Variants in WWP1 observed in about 807,000 individuals in gnomAD.
WWP1 encodes the protein NEDD4-like E3 ubiquitin-protein ligase WWP1.
A neutral mutation model predicts 130.6 loss-of-function variants in WWP1; 49 were observed. The ratio of observed to expected loss-of-function variants is 0.38; its 90% confidence interval spans 0.30 to 0.48. The LOEUF (loss-of-function observed/expected upper bound fraction) is 0.48. Ranked by LOEUF, WWP1 falls within the 20% of genes least tolerant of loss-of-function variation. The probability of loss-of-function intolerance (pLI) is 0.99; values close to 1 mark genes in which losing one functional copy is unlikely to be tolerated. For missense variants in WWP1, 809 were observed against 1,100.6 expected (o/e 0.74, Z 3.75); for synonymous variants, 332 against 367.8 (o/e 0.90, Z 1.11).
At chr8:86,424,981 ATACTT>A (rs1452652079) in intron 9 of WWP1, among the ~76,000 whole-genome samples, 3 of 152,150 alleles carry the variant, frequency 2.0e-5, no homozygotes, top group African/African-American at 7.2e-5. Flanking sequence ...TCTGCTAACT[ATACTT>A]TGAGTTTCCA....
In WWP1 at chr8:86,467,024, T is replaced by TTTCTGAAGACAGGTG; in HGVS notation, c.*131_*132insTTCTGAAGACAGGTG. On this transcript the variant is annotated 3_prime_UTR_variant, in exon 25 of 25. Transcript: ENST00000517970. ...GAACCTCTCAAAGTATGTTTTCCGT[T>TTTCTGAAGACAGGTG]CTTCCACAGAAATATGCAAAACAGT... 1.5e-6 allele frequency: 1 copy of TTTCTGAAGACAGGTG among 672,948 alleles called. No individual in the cohort carries two copies. The highest frequency in any genetic ancestry group is 2.6e-6 in the Non-Finnish European group (1 of 391,108). The allele number at this position is 672,948 out of a possible 1,614,324, so 41.7% of individuals were successfully genotyped here.
intron 8 of WWP1, among the ~76,000 whole-genome samples, chr8:86,403,372 T>TA (rs1490463107): frequency 1.3e-5 from 2 of 152,212 alleles, no homozygotes; most frequent in Admixed American, 6.5e-5. Context: ...TTCGGCTCAC[T>TA]GCAACTTCTG....
intron 5 of WWP1, among the ~76,000 whole-genome samples, chr8:86,394,671 G>A (rs1350926075): frequency 6.6e-6 from 1 of 152,108 alleles, no homozygotes; most frequent in Non-Finnish European, 1.5e-5. Flanking sequence ...AAATACATCG[G>A]AGTTGGTTTG....
At chr8:86,445,210 CAG>C (rs1810795710) in intron 18 of WWP1, among the ~76,000 whole-genome samples, 2 of 152,128 alleles carry the variant, frequency 1.3e-5, no homozygotes, top group Admixed American at 6.5e-5. Context: ...ATTTTAGAAT[CAG>C]GGGTACATGT....
intron 3 of WWP1, among the ~76,000 whole-genome samples, chr8:86,374,534 A>C (rs564999793): frequency 4.0e-4 from 61 of 152,314 alleles, no homozygotes; most frequent in South Asian, 2.3e-3. Flanking sequence ...AGTTATTTCT[A>C]GGAGGTTTCA....
At chr8:86,417,052 G>A (rs933894445) in intron 9 of WWP1, among the ~76,000 whole-genome samples, 2 of 152,090 alleles carry the variant, frequency 1.3e-5, no homozygotes, top group Admixed American at 6.6e-5. Flanking sequence ...ATCTCAGCAC[G>A]GTGATACCTC....
intron 7 of WWP1, 93 bp downstream of exon 7, chr8:86,398,731 C>A: frequency 7.2e-7 from 1 of 1,397,700 alleles, no homozygotes; most frequent in Non-Finnish European, 1.0e-6. Context: ...TTAGAATTTG[C>A]CACACAGTTT....
At position 86,448,398 on chromosome 8, in the gene WWP1, T is replaced by G. The variant is rs767919094; in HGVS notation, c.2158T>G (p.Leu720Val). 2 of 1,613,534 alleles carry G rather than the reference T, an allele frequency of 1.2e-6. No homozygotes were observed. ...IRDNNIEECGLEMYFSVDMEI... is the reference protein window; with the variant it reads ...IRDNNIEECGVEMYFSVDMEI... ...AGATAACAACATTGAAGAATGTGGC[T>G]TAGAAATGTACTTTTCTGTTGACAT... The change falls in exon 20 of 25, where the codon TTA becomes GTA. Residue 720 changes from leucine to valine, a missense_variant. Around this residue, in one of 3 missense-constraint regions of WWP1, gnomAD observed 450 missense variants for 674.2 expected, o/e 0.67. Coordinates refer to ENST00000517970, the MANE Select transcript of WWP1 (RefSeq NM_007013.4).
rs112075680 is a variant in WWP1, at chr8:86,437,439, C to T, written c.1750-1146C>T. 2.2e-3 allele frequency among the ~76,000 whole-genome samples: 334 copies of T among 152,290 alleles called. 1 individual carries two copies. The highest frequency in any genetic ancestry group is 7.8e-3 in the African/African-American group (326 of 41,556). On this transcript the variant is annotated intron_variant, in intron 16 of 24. Transcript: ENST00000517970. ...GAACAAAGTCTTTTGCCTCTAAGTA[C>T]TGCTAGTCAGAAAAATTTACCTGTT...
intron 24 of WWP1, among the ~76,000 whole-genome samples, chr8:86,466,538 T>C (rs1160648820): frequency 9.1e-6 from 1 of 110,246 alleles, no homozygotes; most frequent in Non-Finnish European, 1.6e-5. Flanking sequence ...AGAAAATGGA[T>C]TTTTTTTTTT....
chr8:86,405,292 GT>G (rs1333560793), intron 8 of WWP1, among the ~76,000 whole-genome samples: 1 of 149,938 alleles, frequency 6.7e-6, no homozygotes, highest in East Asian at 2.0e-4. Flanking sequence ...TTAATCTGCA[GT>G]TCCACAATCT....
intron 21 of WWP1, among the ~76,000 whole-genome samples, chr8:86,453,884 C>T (rs1399235595): frequency 6.6e-6 from 1 of 152,148 alleles, no homozygotes; most frequent in Non-Finnish European, 1.5e-5. Flanking sequence ...TAGTCCTTGG[C>T]ATTTCCTCTC....
At chr8:86,388,003 T>G (rs950942345) in intron 5 of WWP1, among the ~76,000 whole-genome samples, 1 of 152,222 alleles carries the variant, frequency 6.6e-6, no homozygotes, top group Non-Finnish European at 1.5e-5. Flanking sequence ...GCATTTGAAA[T>G]GTGGTTTGTA....
intron 2 of WWP1, among the ~76,000 whole-genome samples, chr8:86,372,024 T>TC (rs1469581090): frequency 7.3e-6 from 1 of 137,094 alleles, no homozygotes; most frequent in East Asian, 2.0e-4. Flanking sequence ...TGTATTTTTT[T>TC]TTTTTTTTTT....
chr8:86,454,383 G>C (rs1193015536), intron 21 of WWP1, among the ~76,000 whole-genome samples: 1 of 151,790 alleles, frequency 6.6e-6, no homozygotes, highest in Non-Finnish European at 1.5e-5. Context: ...TGTTGGATAT[G>C]GAAAGCCGAT....
intron 9 of WWP1, among the ~76,000 whole-genome samples, chr8:86,419,088 A>G (rs2130608585): frequency 6.6e-6 from 1 of 152,312 alleles, no homozygotes; most frequent in Non-Finnish European, 1.5e-5. Flanking sequence ...TTTGAAAGAT[A>G]GAGATCAAAA....
chr8:86,409,485 C>T (rs1036510498), intron 8 of WWP1, among the ~76,000 whole-genome samples: 18 of 150,444 alleles, frequency 1.2e-4, no homozygotes, highest in African/African-American at 2.9e-4. Context: ...CCACCCGCCT[C>T]GGCCTCCCAA....
At chr8:86,465,859 A>G (rs1438293443) in intron 24 of WWP1, among the ~76,000 whole-genome samples, 2 of 152,234 alleles carry the variant, frequency 1.3e-5, no homozygotes, top group African/African-American at 2.4e-5. Flanking sequence ...CATTTAAAAT[A>G]CAAAGAATAC....
chr8:86,442,840 TTAAA>T, intron 18 of WWP1, 62 bp downstream of exon 18: 1 of 1,400,356 alleles, frequency 7.1e-7, no homozygotes, highest in South Asian at 1.5e-5. Context: ...GAGAAGGCTT[TTAAA>T]AAAAAAAAAA....
Sources: gnomAD v4.1 joint callset for allele counts (sites outside exome capture counted in the v4.1 genomes callset) on GRCh38, gnomAD v4.1.1 for gene constraint, gnomAD v4.1.1 regional missense constraint, MANE v1.5 for transcripts, NCBI Gene and HGNC (gene_info 2026-07-23, HGNC 2026-07-21) for gene names.